DLGAP2: variants seen among roughly 807,000 people sequenced by gnomAD.
The protein encoded by DLGAP2 is disks large-associated protein 2.
In DLGAP2, 26 loss-of-function variants were observed where a neutral mutation model predicts 100.3. The ratio of observed to expected loss-of-function variants is 0.26; its 90% CI spans 0.19 to 0.36. The LOEUF is 0.36. Among genes scored for constraint, DLGAP2 ranks in the 10% least tolerant of loss-of-function variants. The pLI, the probability that DLGAP2 is intolerant of heterozygous loss-of-function variation, is 1.00. For synonymous variants in DLGAP2, 886 were observed against 630.1 expected (o/e 1.41, Z -6.08); for missense variants, 1,858 against 1,453.2 (o/e 1.28, Z -4.53).
At chr8:1,251,570 A>T (rs545115706) in intron 2 of DLGAP2, among the ~76,000 whole-genome samples, 1 of 152,296 alleles carries the variant, frequency 6.6e-6, no homozygotes, top group East Asian at 1.9e-4. Context: ...GAGTGCTGGG[A>T]TTACACGTGC....
intron 6 of DLGAP2, among the ~76,000 whole-genome samples, chr8:1,603,980 C>T (rs1584981546): frequency 6.6e-6 from 1 of 152,284 alleles, no homozygotes; most frequent in African/African-American, 2.4e-5. Context: ...ATACCCCAGC[C>T]ACCGCGTCGG....
At chr8:1,089,961 T>TG (rs764920691) in intron 2 of DLGAP2, among the ~76,000 whole-genome samples, 1 of 152,162 alleles carries the variant, frequency 6.6e-6, no homozygotes, top group African/African-American at 2.4e-5. Flanking sequence ...AGAAGTGACT[T>TG]GGGGGGCTGT....
Position 1,503,875 on chromosome 8 carries a change from G to A in DLGAP2, c.172+2444G>A, listed in dbSNP as rs924364517. The stretch of plus-strand genomic sequence containing the variant: ...ACGTGCCTGGCTTTCCCCTCTTGGG[G>A]TGGTACGTGGGTGGAGGACTCTGGA... On this transcript the variant is annotated intron_variant, in intron 4 of 14. Transcript: ENST00000637795. Among the ~76,000 whole-genome samples the A allele has an allele frequency of 4.6e-5, 7 of 152,278 alleles. No homozygotes were observed. The South Asian group carries it at 1.2e-3, about 27-fold the overall frequency.
chr8:1,254,191 C>T (rs959902792), intron 2 of DLGAP2, among the ~76,000 whole-genome samples: 3 of 152,194 alleles, frequency 2.0e-5, no homozygotes, highest in African/African-American at 7.2e-5. Flanking sequence ...TCTGCCTCTC[C>T]CTTCCCTGAA....
At chr8:956,430 G>C (rs1285354624) in intron 2 of DLGAP2, among the ~76,000 whole-genome samples, 1 of 152,188 alleles carries the variant, frequency 6.6e-6, no homozygotes, top group Non-Finnish European at 1.5e-5. Flanking sequence ...CTGCAGGCTG[G>C]TGTGGCCAGT....
intron 2 of DLGAP2, among the ~76,000 whole-genome samples, chr8:1,128,958 C>T (rs1796229896): frequency 6.6e-6 from 1 of 152,184 alleles, no homozygotes; most frequent in Non-Finnish European, 1.5e-5. Flanking sequence ...TCTCAGGACA[C>T]TGGCAAGCTG....
At chr8:994,020 T>A (rs1800711647) in intron 2 of DLGAP2, among the ~76,000 whole-genome samples, 1 of 152,184 alleles carries the variant, frequency 6.6e-6, no homozygotes, top group Non-Finnish European at 1.5e-5. Flanking sequence ...GTATTTACAC[T>A]CTAGCAGTGC....
chr8:1,494,356 C>G (rs1799483996), intron 3 of DLGAP2, among the ~76,000 whole-genome samples: 1 of 152,228 alleles, frequency 6.6e-6, no homozygotes, highest in Non-Finnish European at 1.5e-5. Flanking sequence ...AGTTTAAAAA[C>G]CTGTCAATTT....
intron 2 of DLGAP2, among the ~76,000 whole-genome samples, chr8:1,161,854 G>A (rs550555134): frequency 2.0e-5 from 3 of 152,344 alleles, no homozygotes; most frequent in African/African-American, 4.8e-5. Context: ...CTGTGCTCAC[G>A]GCCTGCAGGT....
At chr8:1,681,449 A>C (rs953219079) in intron 12 of DLGAP2, among the ~76,000 whole-genome samples, 1 of 152,086 alleles carries the variant, frequency 6.6e-6, no homozygotes, top group African/African-American at 2.4e-5. Context: ...CCTGGACAAC[A>C]CAGTGAGACC....
intron 2 of DLGAP2, among the ~76,000 whole-genome samples, chr8:1,207,587 G>C (rs1435722587): frequency 6.6e-6 from 1 of 152,208 alleles, no homozygotes; most frequent in Non-Finnish European, 1.5e-5. Flanking sequence ...ATACTCACGA[G>C]TGGGATTGCT....
chr8:1,130,067 C>T (rs1796254944), intron 2 of DLGAP2, among the ~76,000 whole-genome samples: 1 of 151,636 alleles, frequency 6.6e-6, no homozygotes, highest in Non-Finnish European at 1.5e-5. Flanking sequence ...TCGGGCACTT[C>T]ACGTGGGTTA....
At position 1,683,952 on chromosome 8, in the gene DLGAP2, G is replaced by GTATA. The variant is rs1171271402; in HGVS notation, c.2704+5324_2704+5325insATAT. Among the ~76,000 whole-genome samples the GTATA allele has an allele frequency of 3.8e-3, 78 of 20,342 alleles. 2 individuals carry two copies. Among genetic ancestry groups the GTATA allele is most frequent in the African/African-American group, 0.016 (76 of 4,836 alleles). 13.3% of individuals were successfully genotyped at this position (20,342 alleles called of 152,430 possible). A position where few individuals can be genotyped will look rare whatever the true frequency, so the allele number is the denominator to read the frequency against. On this transcript the variant is annotated intron_variant, in intron 12 of 14. Transcript: ENST00000637795. ...TGTATATATGTGTATATATATATGTGTGTATATATATATATATATATATAT... is the reference window on the plus strand; with the variant it reads ...TGTATATATGTGTATATATATATGTGTATATGTATATATATATATATATATATAT...
chr8:831,459 T>C (rs1796781732), intron 1 of DLGAP2, among the ~76,000 whole-genome samples: 2 of 152,046 alleles, frequency 1.3e-5, no homozygotes. Context: ...AGTGAGAACA[T>C]GTGGTGTTTG....
chr8:1,366,528 C>A (rs1006594470), intron 3 of DLGAP2, among the ~76,000 whole-genome samples: 1 of 152,168 alleles, frequency 6.6e-6, no homozygotes, highest in Non-Finnish European at 1.5e-5. Context: ...TGGGGATGTT[C>A]AGCGGCTGAC....
At chr8:853,310 G>A (rs974213441) in intron 1 of DLGAP2, among the ~76,000 whole-genome samples, 2 of 152,204 alleles carry the variant, frequency 1.3e-5, no homozygotes, top group African/African-American at 4.8e-5. Context: ...AGAGTCCCAG[G>A]AGGGGCTTGG....
At chr8:984,791 T>C (rs1466302078) in intron 2 of DLGAP2, among the ~76,000 whole-genome samples, 1 of 152,204 alleles carries the variant, frequency 6.6e-6, no homozygotes, top group Non-Finnish European at 1.5e-5. Context: ...CATAAGTGAT[T>C]GGTTAGGACA....
At chr8:1,639,857 C>T (rs1563273754) in intron 8 of DLGAP2, among the ~76,000 whole-genome samples, 1 of 152,198 alleles carries the variant, frequency 6.6e-6, no homozygotes. Context: ...GACTCTGACC[C>T]CCTCCCTTCC....
chr8:831,235 T>C (rs1796777272), intron 1 of DLGAP2, among the ~76,000 whole-genome samples: 1 of 149,252 alleles, frequency 6.7e-6, no homozygotes. Context: ...TTTTAATACT[T>C]TAAGTTCTAG....
Sources: gnomAD v4.1 joint callset for allele counts (sites outside exome capture counted in the v4.1 genomes callset) on GRCh38, gnomAD v4.1.1 for gene constraint, MANE v1.5 for transcripts, NCBI Gene and HGNC (gene_info 2026-07-23, HGNC 2026-07-21) for gene names.